GPR63: variants seen among roughly 807,000 people sequenced by gnomAD.
GPR63 encodes G protein-coupled receptor 63.
A neutral mutation model predicts 23.1 loss-of-function variants in GPR63; 12 were observed. The observed-to-expected ratio is 0.52, with a 90% confidence interval of 0.33 to 0.84. The LOEUF is 0.84. Ranked by LOEUF, GPR63 falls within the 40% of genes least tolerant of loss-of-function variation. The pLI, the probability that GPR63 is intolerant of heterozygous loss-of-function variation, is 0.02. For missense variants in GPR63, 472 were observed against 515.6 expected, an observed-to-expected ratio of 0.92 and a Z score of 0.82; for synonymous variants, 172 against 191.1, an observed-to-expected ratio of 0.90 and a Z score of 0.82.
At chr6:96,813,578 G>A (rs915260091) in intron 1 of GPR63, among the ~76,000 whole-genome samples, 3 of 152,152 alleles carry the variant, frequency 2.0e-5, no homozygotes, top group Admixed American at 1.3e-4. Context: ...CCAACACATG[G>A]TTTATCCTAG....
intron 1 of GPR63, among the ~76,000 whole-genome samples, chr6:96,822,855 A>G (rs942226091): frequency 6.6e-6 from 1 of 152,230 alleles, no homozygotes. Flanking sequence ...CAGTGAAAAC[A>G]TAATTCCTCA....
intron 1 of GPR63, among the ~76,000 whole-genome samples, chr6:96,811,613 TA>T (rs1774045797): frequency 6.6e-6 from 1 of 152,118 alleles, no homozygotes; most frequent in East Asian, 1.9e-4. Flanking sequence ...AAGAAAGAAA[TA>T]AAATTGCAAA....
At chr6:96,809,681 T>C (rs748894273) in intron 1 of GPR63, among the ~76,000 whole-genome samples, 1 of 152,156 alleles carries the variant, frequency 6.6e-6, no homozygotes, top group South Asian at 2.1e-4. Context: ...GCTAAGAAAA[T>C]GTCATCTAAA....
intron 1 of GPR63, among the ~76,000 whole-genome samples, chr6:96,836,297 T>C (rs546037804): frequency 6.6e-6 from 1 of 152,342 alleles, no homozygotes; most frequent in East Asian, 1.9e-4. Context: ...TGAAGCAGTA[T>C]CAGCTTATGC....
At chr6:96,801,862 G>A (rs1258054760) in intron 1 of GPR63, among the ~76,000 whole-genome samples, 2 of 152,118 alleles carry the variant, frequency 1.3e-5, no homozygotes, top group Non-Finnish European at 1.5e-5. Context: ...CCACAAAGGG[G>A]CCAGTGGGAA....
chr6:96,823,947 A>G (rs2127957423), intron 1 of GPR63, among the ~76,000 whole-genome samples: 1 of 152,252 alleles, frequency 6.6e-6, no homozygotes, highest in Middle Eastern at 3.4e-3. Context: ...GTAAGTGCAC[A>G]CTATGACGTT....
At chr6:96,813,300 A>G (rs1774088711) in intron 1 of GPR63, among the ~76,000 whole-genome samples, 1 of 152,180 alleles carries the variant, frequency 6.6e-6, no homozygotes, top group African/African-American at 2.4e-5. Flanking sequence ...TATGATAAAC[A>G]TGCAACCACA....
chr6:96,797,235 A>G lies in GPR63; in HGVS notation c.*1237T>C, dbSNP rs1773610504. ...GGCAAAGCGAGACTCCAAAAAACAA[A>G]AAGTGGTTGTAAGTGATTTTATTTT... On this transcript the variant is annotated 3_prime_UTR_variant, in exon 2 of 2. Transcript: ENST00000229955. The G allele has an allele frequency of 1.3e-5, 2 of 152,180 alleles. No homozygotes were observed. Among genetic ancestry groups the G allele is most frequent in the South Asian group, 4.1e-4 (2 of 4,828 alleles). The allele number at this position is 152,180 out of a possible 1,614,324, so 9.4% of individuals were successfully genotyped here. A position where few individuals can be genotyped will look rare whatever the true frequency, so the allele number is the denominator to read the frequency against.
chr6:96,816,154 A>G (rs1774158389), intron 1 of GPR63, among the ~76,000 whole-genome samples: 2 of 152,258 alleles, frequency 1.3e-5, no homozygotes, highest in Non-Finnish European at 2.9e-5. Flanking sequence ...ATAATAATGT[A>G]TATTAGCAAG....
Position 96,799,533 on chromosome 6 carries a change from G to A in GPR63, c.199C>T (p.Pro67Ser), listed in dbSNP as rs764841521. Residue 67 changes from proline (P) to serine (S), a missense_variant, in exon 2 of 2, where the codon CCC (proline) becomes TCC (serine). Coordinates refer to ENST00000229955, the MANE Select transcript of GPR63 (RefSeq NM_030784.4). The part of the protein sequence containing the change: ...SSLTVNSTAV[P>S]TTPAAFKSLN... ...CTCTTAAATGCTGCTGGTGTTGTGG[G>A]CACAGCTGTACTATTCACGGTCAAG... The A allele has an allele frequency of 4.3e-6, 7 of 1,614,030 alleles. No individual in the cohort carries two copies. The highest frequency in any genetic ancestry group is 1.1e-5 in the South Asian group (1 of 91,086).
intron 1 of GPR63, among the ~76,000 whole-genome samples, chr6:96,821,204 A>C (rs1244045292): frequency 1.3e-5 from 2 of 152,250 alleles, no homozygotes; most frequent in African/African-American, 4.8e-5. Flanking sequence ...GCAAATGTCA[A>C]GTATTGACAC....
chr6:96,799,797 A>G lies in GPR63; in HGVS notation c.-66T>C. 6.6e-7 allele frequency: 1 copy of G among 1,519,798 alleles called. No individual in the cohort carries two copies. Among genetic ancestry groups the G allele is most frequent in the Non-Finnish European group, 9.1e-7 (1 of 1,094,592 alleles). The allele number at this position is 1,519,798 out of a possible 1,614,324, so 94.1% of individuals were successfully genotyped here. On this transcript the variant is annotated 5_prime_UTR_variant, in exon 2 of 2. Transcript: ENST00000229955. ...TTCTTCAAGCATTTCAACACAGAAC[A>G]GCAGTATCAGGTCCCATTGATGGGC...
intron 1 of GPR63, among the ~76,000 whole-genome samples, chr6:96,831,453 A>G (rs1249509564): frequency 6.6e-6 from 1 of 151,800 alleles, no homozygotes; most frequent in Non-Finnish European, 1.5e-5. Context: ...AAAAAACTGT[A>G]GAAGATAAAC....
Position 96,798,430 on chromosome 6 carries a change from T to C in GPR63, c.*42A>G. 6.3e-7 allele frequency: 1 copy of C among 1,583,024 alleles called. No individual in the cohort carries two copies. The highest frequency in any genetic ancestry group is 2.2e-5 in the East Asian group (1 of 44,532). Reference sequence around the variant, plus strand: ...TATGAGAAAGAGAATTCAATGTCAATAAAGAACAAGCATCACCCAAAATGT... The same window carrying C: ...TATGAGAAAGAGAATTCAATGTCAACAAAGAACAAGCATCACCCAAAATGT... On this transcript the variant is annotated 3_prime_UTR_variant, in exon 2 of 2. Coordinates refer to ENST00000229955, the MANE Select transcript of GPR63 (RefSeq NM_030784.4).
chr6:96,817,525 G>C (rs1774194296), intron 1 of GPR63, among the ~76,000 whole-genome samples: 1 of 152,034 alleles, frequency 6.6e-6, no homozygotes, highest in African/African-American at 2.4e-5. Context: ...GAAATACTTA[G>C]ATTTGTACAC....
chr6:96,830,882 A>G (rs1774562990), intron 1 of GPR63, among the ~76,000 whole-genome samples: 2 of 152,304 alleles, frequency 1.3e-5, no homozygotes, highest in South Asian at 4.1e-4. Context: ...AGCCAGAGTG[A>G]TACTCAACTG....
At chr6:96,828,594 G>A (rs570761272) in intron 1 of GPR63, among the ~76,000 whole-genome samples, 1 of 149,242 alleles carries the variant, frequency 6.7e-6, no homozygotes, top group East Asian at 1.9e-4. Context: ...GGGGCAGAGG[G>A]TCAGTCTATC....
At chr6:96,819,989 A>AAAC (rs1554192740) in intron 1 of GPR63, among the ~76,000 whole-genome samples, 9 of 149,770 alleles carry the variant, frequency 6.0e-5, no homozygotes, top group Non-Finnish European at 8.9e-5. Flanking sequence ...AAAAAAAAAA[A>AAAC]AAACAAACAA....
chr6:96,821,874 C>T (rs568808653), intron 1 of GPR63, among the ~76,000 whole-genome samples: 1 of 152,114 alleles, frequency 6.6e-6, no homozygotes, highest in Admixed American at 6.5e-5. Flanking sequence ...GTAACAGACA[C>T]ATCTGTTAGA....
Sources: gnomAD v4.1 joint callset for allele counts (sites outside exome capture counted in the v4.1 genomes callset) on GRCh38, gnomAD v4.1.1 for gene constraint, MANE v1.5 for transcripts, NCBI Gene and HGNC (gene_info 2026-07-23, HGNC 2026-07-21) for gene names.